Variants in ALK observed in about 807,000 individuals in gnomAD.
The protein encoded by ALK is ALK tyrosine kinase receptor.
ALK carries 74 observed loss-of-function variants against 163.1 expected under a neutral mutation model. That is an observed-to-expected ratio of 0.45 (90% confidence interval 0.38 to 0.55). The LOEUF is 0.55. Ranked by LOEUF, ALK falls within the 20% of genes least tolerant of loss-of-function variation. ALK has a pLI of 0.00. For synonymous variants in ALK, 960 were observed against 843.2 expected (o/e 1.14, Z -2.40); for missense variants, 2,063 against 2,105.3 (o/e 0.98, Z 0.39).
intron 1 of ALK, among the ~76,000 whole-genome samples, chr2:29,846,249 G>GC (rs563577774): frequency 2.6e-5 from 4 of 152,042 alleles, no homozygotes; most frequent in African/African-American, 4.8e-5. Flanking sequence ...CTTGGCACTT[G>GC]CCCCCCCACC....
chr2:29,210,233 C>T (rs1462226651), intron 24 of ALK, among the ~76,000 whole-genome samples: 1 of 152,138 alleles, frequency 6.6e-6, no homozygotes, highest in Non-Finnish European at 1.5e-5. Flanking sequence ...ACACAAGGTG[C>T]TATTACTGTC....
At chr2:29,873,703 G>A (rs527863317) in intron 1 of ALK, among the ~76,000 whole-genome samples, 4 of 152,028 alleles carry the variant, frequency 2.6e-5, no homozygotes, top group Admixed American at 2.6e-4. Flanking sequence ...ATGCCTCATC[G>A]TGGCCTCTTC....
intron 4 of ALK, among the ~76,000 whole-genome samples, chr2:29,449,624 G>T (rs1414136571): frequency 6.6e-6 from 1 of 152,282 alleles, no homozygotes; most frequent in East Asian, 1.9e-4. Flanking sequence ...GAGGGGCCAG[G>T]GCCCCCAAGG....
intron 1 of ALK, among the ~76,000 whole-genome samples, chr2:29,824,254 C>T (rs1665132589): frequency 1.3e-5 from 2 of 152,234 alleles, no homozygotes; most frequent in South Asian, 4.1e-4. Flanking sequence ...CAGAAGTTTG[C>T]TGCAGGGGAA....
intron 3 of ALK, among the ~76,000 whole-genome samples, chr2:29,625,554 A>C (rs550442689): frequency 6.6e-6 from 1 of 152,220 alleles, no homozygotes; most frequent in Non-Finnish European, 1.5e-5. Context: ...AGCAGTAAGT[A>C]GTGTAGACAT....
intron 3 of ALK, among the ~76,000 whole-genome samples, chr2:29,659,974 T>C (rs1332734019): frequency 6.6e-6 from 1 of 152,146 alleles, no homozygotes; most frequent in African/African-American, 2.4e-5. Context: ...ATATCCAGTT[T>C]TTAATTATTA....
chr2:29,736,829 C>A (rs139965759), intron 1 of ALK, among the ~76,000 whole-genome samples: 1 of 152,148 alleles, frequency 6.6e-6, no homozygotes, highest in East Asian at 1.9e-4. Flanking sequence ...AAGCCGTATA[C>A]AGGATGAAAT....
rs550708557 is a variant in ALK at position 29,743,132 on chromosome 2, C to G, written c.668-25435G>C. Among the ~76,000 whole-genome samples, 5 of 152,312 alleles carry G rather than the reference C, an allele frequency of 3.3e-5. No homozygotes were observed. In the South Asian group the frequency reaches 1.0e-3, roughly 32 times the overall value. Reference sequence around the variant, plus strand: ...TCTGATGTTGAGTTTCATGATTCCCCTATCCATGGGTAGGAGCGGGGATGG... The same window carrying G: ...TCTGATGTTGAGTTTCATGATTCCCGTATCCATGGGTAGGAGCGGGGATGG... On this transcript the variant is annotated intron_variant, in intron 1 of 28. Coordinates refer to ENST00000389048, the MANE Select transcript of ALK (RefSeq NM_004304.5).
chr2:29,247,122 G>A (rs565049970), intron 12 of ALK, among the ~76,000 whole-genome samples: 4 of 152,032 alleles, frequency 2.6e-5, no homozygotes, highest in South Asian at 2.1e-4. Context: ...CCTTTCCCCC[G>A]GCCTCCGCGG....
intron 4 of ALK, among the ~76,000 whole-genome samples, chr2:29,388,448 A>C (rs1285368675): frequency 6.6e-6 from 1 of 152,198 alleles, no homozygotes; most frequent in African/African-American, 2.4e-5. Context: ...AGATGGTTTT[A>C]GCTGCTGCAG....
rs542654285 is a variant in ALK at position 29,377,869 on chromosome 2, G to A, written c.1282+5863C>T. Among the ~76,000 whole-genome samples the A allele has an allele frequency of 1.4e-4, 22 of 152,298 alleles. 2 individuals carry two copies. Among genetic ancestry groups the A allele is most frequent in the Admixed American group, 9.8e-4 (15 of 15,302 alleles). ...AGAGAAATAACTTCTCACGGGTAAGGTGAAGGTTATGACATCCTCTCTAAT... is the reference window on the plus strand; with the variant it reads ...AGAGAAATAACTTCTCACGGGTAAGATGAAGGTTATGACATCCTCTCTAAT... On this transcript the variant is annotated intron_variant, in intron 5 of 28. Coordinates refer to ENST00000389048, the MANE Select transcript of ALK (RefSeq NM_004304.5).
intron 4 of ALK, among the ~76,000 whole-genome samples, chr2:29,388,486 T>G (rs80183158): frequency 0.071 from 10,808 of 152,284 alleles, 498 homozygotes; most frequent in Non-Finnish European, 0.11. Flanking sequence ...TAGATTCAGC[T>G]CTCAGCTCCA....
intron 1 of ALK, among the ~76,000 whole-genome samples, chr2:29,739,062 C>A (rs1475770613): frequency 6.6e-6 from 1 of 151,280 alleles, no homozygotes; most frequent in African/African-American, 2.4e-5. Context: ...CATAGTGAGA[C>A]CCTGTCTCTT....
intron 4 of ALK, among the ~76,000 whole-genome samples, chr2:29,469,322 C>G (rs1397339680): frequency 6.6e-6 from 1 of 152,162 alleles, no homozygotes; most frequent in Non-Finnish European, 1.5e-5. Flanking sequence ...CTTCTCAATA[C>G]CCAGAGCCCC....
chr2:29,473,358 TAGA>T (rs1190493217), intron 4 of ALK, among the ~76,000 whole-genome samples: 1 of 152,182 alleles, frequency 6.6e-6, no homozygotes, highest in African/African-American at 2.4e-5. Context: ...ATAAAGTTTC[TAGA>T]AGATGACATA....
chr2:29,877,268 G>T (rs568074772), intron 1 of ALK, among the ~76,000 whole-genome samples: 1 of 152,126 alleles, frequency 6.6e-6, no homozygotes, highest in Non-Finnish European at 1.5e-5. Flanking sequence ...TGCCTTAAGT[G>T]CTCTTCCTCC....
At chr2:29,729,765 T>A (rs1240974130) in intron 1 of ALK, among the ~76,000 whole-genome samples, 1 of 152,030 alleles carries the variant, frequency 6.6e-6, no homozygotes, top group Non-Finnish European at 1.5e-5. Context: ...ACATCTTGAG[T>A]GCATCTTTCA....
At chr2:29,739,127 T>A (rs1679975532) in intron 1 of ALK, among the ~76,000 whole-genome samples, 1 of 150,552 alleles carries the variant, frequency 6.6e-6, no homozygotes, top group Admixed American at 6.7e-5. Flanking sequence ...TAGTTCTAGC[T>A]TCTCAGGAGC....
chr2:29,754,496 G>C (rs1206020976), intron 1 of ALK, among the ~76,000 whole-genome samples: 1 of 152,104 alleles, frequency 6.6e-6, no homozygotes. Context: ...TTCTACAGCA[G>C]TGTTCCAACA....
Sources: gnomAD v4.1 joint callset for allele counts (sites outside exome capture counted in the v4.1 genomes callset) on GRCh38, gnomAD v4.1.1 for gene constraint, MANE v1.5 for transcripts, NCBI Gene and HGNC (gene_info 2026-07-23, HGNC 2026-07-21) for gene names.